The following FKBP9 variants were observed in gnomAD, a reference collection of about 807,000 sequenced individuals.
FKBP9 encodes FKBP prolyl isomerase 9, also known as peptidyl-prolyl cis-trans isomerase FKBP9.
FKBP9 carries 27 observed loss-of-function variants against 55.6 expected under a neutral mutation model. The observed-to-expected ratio is 0.49, with a 90% CI of 0.36 to 0.67. The LOEUF is 0.67. Among genes scored for constraint, FKBP9 ranks in the 30% least tolerant of loss-of-function variants. The pLI is 0.00. For synonymous variants in FKBP9, 267 were observed against 296.5 expected, an observed-to-expected ratio of 0.90 and a Z score of 1.02; for missense variants, 539 against 742.8, an observed-to-expected ratio of 0.73 and a Z score of 3.19.
At chr7:32,979,099 T>C (rs1408637636) in intron 4 of FKBP9, among the ~76,000 whole-genome samples, 2 of 151,998 alleles carry the variant, frequency 1.3e-5, no homozygotes, top group African/African-American at 4.8e-5. Context: ...GGAAACCCCG[T>C]CTCTACTAAA....
At chr7:32,960,640 G>A (rs563687211) in intron 1 of FKBP9, among the ~76,000 whole-genome samples, 2 of 152,284 alleles carry the variant, frequency 1.3e-5, no homozygotes, top group East Asian at 1.9e-4. Flanking sequence ...TCTAGGGCTG[G>A]CAGCCACTGT....
intron 8 of FKBP9, chr7:33,002,017 A>G (rs1461566643): frequency 1.3e-5 from 2 of 152,280 alleles, no homozygotes; most frequent in African/African-American, 4.8e-5. Context: ...TCTTCTCAGT[A>G]TGGTTCCAAT....
intron 1 of FKBP9, 31 bp downstream of exon 1, chr7:32,957,825 C>G: frequency 7.2e-7 from 1 of 1,398,588 alleles, no homozygotes; most frequent in Non-Finnish European, 9.3e-7. Flanking sequence ...GGCGCGGCCT[C>G]AGCGGATGCG....
At chr7:32,981,171 G>T (rs1784469601) in intron 5 of FKBP9, among the ~76,000 whole-genome samples, 1 of 151,674 alleles carries the variant, frequency 6.6e-6, no homozygotes, top group African/African-American at 2.4e-5. Flanking sequence ...CCTGTCTGTG[G>T]TGCACTAGCT....
At chr7:32,982,074 G>A (rs868047722) in intron 5 of FKBP9, among the ~76,000 whole-genome samples, 1 of 144,240 alleles carries the variant, frequency 6.9e-6, no homozygotes, top group African/African-American at 2.6e-5. Context: ...AGGCTGCAGT[G>A]CAGTGGCACA....
intron 1 of FKBP9, among the ~76,000 whole-genome samples, chr7:32,960,394 C>A (rs569747473): frequency 6.6e-6 from 1 of 152,018 alleles, no homozygotes; most frequent in African/African-American, 2.4e-5. Flanking sequence ...GGATTACAGG[C>A]GGGAGCCACC....
intron 5 of FKBP9, among the ~76,000 whole-genome samples, chr7:32,985,952 C>T (rs1342292119): frequency 6.6e-6 from 1 of 152,136 alleles, no homozygotes; most frequent in Non-Finnish European, 1.5e-5. Flanking sequence ...GAGATCTTAC[C>T]ATTGCACTCC....
Position 33,000,896 on chromosome 7 carries a change from T to C in FKBP9, c.1372+636T>C, listed in dbSNP as rs529940523. On this transcript the variant is annotated intron_variant, in intron 8 of 9. Coordinates refer to ENST00000242209, the MANE Select transcript of FKBP9 (RefSeq NM_007270.5). ...CCTGGGCTCAAGCAATCTGCCCACC[T>C]CAGTCTCCCGAGTAGCTGGGACTAC... Among the ~76,000 whole-genome samples the C allele has an allele frequency of 2.0e-5, 3 of 152,192 alleles. No individual in the cohort carries two copies. The East Asian group carries it at 5.8e-4, about 29-fold the overall frequency.
At chr7:32,981,021 C>T (rs1165388142) in intron 5 of FKBP9, among the ~76,000 whole-genome samples, 1 of 148,704 alleles carries the variant, frequency 6.7e-6, no homozygotes, top group East Asian at 2.0e-4. Context: ...CCTCGACTCC[C>T]ACCATCCCCC....
chr7:32,967,421 T>A lies in FKBP9; in HGVS notation c.222-7196T>A, dbSNP rs1430266839. Among the ~76,000 whole-genome samples, 8 of 152,208 alleles carry A rather than the reference T, an allele frequency of 5.3e-5. No individual in the cohort carries two copies. In the East Asian group the frequency reaches 1.5e-3, roughly 29 times the overall value. Reference sequence around the variant, plus strand: ...TGTCCGCTGATAACAACATTCCACTTTCTGTTTCTATGAGTTTAACTACTT... The same window carrying A: ...TGTCCGCTGATAACAACATTCCACTATCTGTTTCTATGAGTTTAACTACTT... On this transcript the variant is annotated intron_variant, in intron 1 of 9. Transcript: ENST00000242209.
chr7:32,998,900 C>G (rs1784869480), intron 7 of FKBP9, among the ~76,000 whole-genome samples: 1 of 152,164 alleles, frequency 6.6e-6, no homozygotes, highest in African/African-American at 2.4e-5. Flanking sequence ...GTGGTGTGTT[C>G]AGAGATGACA....
chr7:32,979,472 G>A, intron 4 of FKBP9: 1 of 1,518,910 alleles, frequency 6.6e-7, no homozygotes, highest in South Asian at 1.2e-5. Flanking sequence ...TCCTTGGATG[G>A]GAAGGAGATG....
In FKBP9 at chr7:32,980,660, G is replaced by A. The variant is rs1784459449; in HGVS notation, c.893+107G>A. ...CTCTGTCCATGCTGATTTGTAGTTG[G>A]CATTTTCATCTCTAATACAAGTTTC... On this transcript the variant is annotated intron_variant, in intron 5 of 9. Transcript: ENST00000242209. 2.7e-6 allele frequency: 4 copies of A among 1,472,806 alleles called. No individual in the cohort carries two copies. The South Asian group carries it at 4.4e-5, about 16-fold the overall frequency. The allele number at this position is 1,472,806 out of a possible 1,614,324, so 91.2% of individuals were successfully genotyped here. A position where few individuals can be genotyped will look rare whatever the true frequency, so the allele number is the denominator to read the frequency against.
At position 32,976,504 on chromosome 7, in the gene FKBP9, G is replaced by A; in HGVS notation, c.703+5G>A. ...CCTATGGAGAGGATGGAGATGGTAA[G>A]TCCGTCTCCTTCTTGGAGCCACTCT... On this transcript the variant is annotated splice_donor_5th_base_variant and intron_variant, in intron 4 of 9. Transcript: ENST00000242209. The A allele has an allele frequency of 1.9e-6, 3 of 1,579,078 alleles. No homozygotes were observed. Among genetic ancestry groups the A allele is most frequent in the Non-Finnish European group, 2.6e-6 (3 of 1,163,422 alleles).
intron 5 of FKBP9, among the ~76,000 whole-genome samples, chr7:32,986,249 C>T (rs1018580084): frequency 5.9e-5 from 9 of 152,224 alleles, no homozygotes; most frequent in Non-Finnish European, 1.0e-4. Flanking sequence ...TCTGCTATCT[C>T]CCCTCTGCCA....
In FKBP9 at chr7:32,980,503, C is replaced by T. The variant is rs1583854927; in HGVS notation, c.843C>T (p.Leu281=). The T allele has an allele frequency of 5.6e-6, 9 of 1,613,908 alleles. No homozygotes were observed. The highest frequency in any genetic ancestry group is 2.7e-5 in the African/African-American group (2 of 75,024). ...CERISQSGDF[L]RYHYNGTLLD... ...GGATAAGTCAAAGTGGGGACTTTCT[C>T]AGGTATCATTACAATGGCACGCTTC... The change falls in exon 5 of 10, where the codon CTC becomes CTT. Residue 281 remains leucine, a synonymous_variant. Transcript: ENST00000242209.
chr7:32,996,489 C>T (rs1461799907), intron 7 of FKBP9, 140 bp downstream of exon 7: 6 of 630,622 alleles, frequency 9.5e-6, no homozygotes, highest in Non-Finnish European at 1.7e-5. Flanking sequence ...GGCTGCATCA[C>T]TGCTCAGGTG....
intron 1 of FKBP9, among the ~76,000 whole-genome samples, chr7:32,960,829 C>T (rs1020321996): frequency 3.9e-5 from 6 of 152,244 alleles, no homozygotes; most frequent in African/African-American, 1.4e-4. Context: ...AAGACAGTAG[C>T]ACACACTCTG....
At chr7:32,960,570 T>A (rs1040740960) in intron 1 of FKBP9, among the ~76,000 whole-genome samples, 12 of 152,242 alleles carry the variant, frequency 7.9e-5, no homozygotes, top group African/African-American at 2.9e-4. Context: ...GAAGAATTTC[T>A]TGCTTGAGTT....
Sources: gnomAD v4.1 joint callset for allele counts (sites outside exome capture counted in the v4.1 genomes callset) on GRCh38, gnomAD v4.1.1 for gene constraint, MANE v1.5 for transcripts, NCBI Gene and HGNC (gene_info 2026-07-23, HGNC 2026-07-21) for gene names.